Variants in ERBB4 observed in about 807,000 individuals in gnomAD.
The protein encoded by ERBB4 is erb-b2 receptor tyrosine kinase 4, also known as receptor tyrosine-protein kinase erbB-4.
A neutral mutation model predicts 158.0 loss-of-function variants in ERBB4; 42 were observed. That is an observed-to-expected ratio of 0.27 (90% confidence interval 0.21 to 0.34). ERBB4 has a LOEUF of 0.34. ERBB4 is among the 10% of genes least tolerant of loss of function. The pLI is 1.00. For synonymous variants in ERBB4, 583 were observed against 558.7 expected (o/e 1.04, Z -0.61); for missense variants, 1,333 against 1,624.1 (o/e 0.82, Z 3.08).
At chr2:211,584,057 GT>G (rs1295454830) in intron 19 of ERBB4, among the ~76,000 whole-genome samples, 2 of 148,254 alleles carry the variant, frequency 1.3e-5, no homozygotes, top group Non-Finnish European at 3.0e-5. Context: ...TAATTTTAAA[GT>G]AATTGCAAGA....
intron 1 of ERBB4, among the ~76,000 whole-genome samples, chr2:212,356,876 C>T (rs2089482234): frequency 6.6e-6 from 1 of 151,782 alleles, no homozygotes; most frequent in Non-Finnish European, 1.5e-5. Context: ...ACCTTAGAAA[C>T]TTATACATAG....
intron 3 of ERBB4, among the ~76,000 whole-genome samples, chr2:211,905,647 C>CATATATATATATATAT (rs56758130): frequency 1.4e-4 from 10 of 71,450 alleles, no homozygotes; most frequent in South Asian, 4.8e-4. Context: ...TAGGAAGGAT[C>CATATATATATATATAT]ATATATATAT....
chr2:211,908,795 A>G (rs184100061), intron 3 of ERBB4, among the ~76,000 whole-genome samples: 36 of 151,888 alleles, frequency 2.4e-4, no homozygotes, highest in African/African-American at 8.4e-4. Context: ...GAAGACATTT[A>G]TTCCTCTTTT....
chr2:211,565,311 C>T (rs1285484691), intron 19 of ERBB4, among the ~76,000 whole-genome samples: 1 of 152,022 alleles, frequency 6.6e-6, no homozygotes, highest in Non-Finnish European at 1.5e-5. Context: ...AGAGTATGCC[C>T]TTCTGAAAGG....
chr2:212,162,269 C>A (rs2081222882), intron 1 of ERBB4, among the ~76,000 whole-genome samples: 1 of 151,702 alleles, frequency 6.6e-6, no homozygotes, highest in Non-Finnish European at 1.5e-5. Context: ...ATACATGCAC[C>A]AACATAGATA....
In ERBB4 at chr2:212,375,546, G is replaced by A. The variant is rs574623875; in HGVS notation, c.82+162903C>T. 3.3e-5 allele frequency among the ~76,000 whole-genome samples: 5 copies of A among 152,200 alleles called. No individual in the cohort carries two copies. The South Asian group carries it at 1.0e-3, about 32-fold the overall frequency. Reference sequence around the variant, plus strand: ...GCTGGGCAACTACATATCTGAGAGTGTAAATGTGGATTATTACCTGATTCT... The same window carrying A: ...GCTGGGCAACTACATATCTGAGAGTATAAATGTGGATTATTACCTGATTCT... On this transcript the variant is annotated intron_variant, in intron 1 of 27. Transcript: ENST00000342788.
intron 20 of ERBB4, among the ~76,000 whole-genome samples, chr2:211,506,596 C>G (rs1455538883): frequency 6.6e-6 from 1 of 151,764 alleles, no homozygotes; most frequent in African/African-American, 2.4e-5. Context: ...GAACTGAATA[C>G]CAAGAATAAC....
At chr2:211,966,362 C>T (rs1246181098) in intron 2 of ERBB4, among the ~76,000 whole-genome samples, 1 of 152,110 alleles carries the variant, frequency 6.6e-6, no homozygotes, top group Non-Finnish European at 1.5e-5. Flanking sequence ...CTGCCTCAGC[C>T]TCCTGAAGAG....
chr2:212,139,655 T>G (rs1032348413), intron 1 of ERBB4, among the ~76,000 whole-genome samples: 1 of 152,122 alleles, frequency 6.6e-6, no homozygotes, highest in East Asian at 1.9e-4. Context: ...TGTGAATTTC[T>G]GAGAGTCTAA....
intron 11 of ERBB4, among the ~76,000 whole-genome samples, chr2:211,703,435 G>A (rs1236823916): frequency 6.6e-6 from 1 of 152,022 alleles, no homozygotes; most frequent in African/African-American, 2.4e-5. Context: ...GAAAATCAAT[G>A]ATGATATTAA....
chr2:211,443,969 C>T (rs983122197), intron 20 of ERBB4, among the ~76,000 whole-genome samples: 9 of 151,920 alleles, frequency 5.9e-5, no homozygotes, highest in Non-Finnish European at 7.4e-5. Flanking sequence ...AAATTCCCTC[C>T]GATTTTAAGT....
chr2:212,476,166 C>CACACAA, intron 1 of ERBB4, among the ~76,000 whole-genome samples: 1 of 152,038 alleles, frequency 6.6e-6, no homozygotes, highest in Middle Eastern at 3.4e-3. Context: ...CACACACACA[C>CACACAA]ACACACACAC....
intron 1 of ERBB4, among the ~76,000 whole-genome samples, chr2:212,486,886 C>CTATAT (rs112130225): frequency 0.21 from 32,302 of 151,830 alleles, 3,759 homozygotes; most frequent in African/African-American, 0.31. Flanking sequence ...TATTTGAAAG[C>CTATAT]TATAATACAT....
Position 212,341,058 on chromosome 2 carries a change from T to C in ERBB4, c.82+197391A>G, listed in dbSNP as rs114579550. 3.1e-3 allele frequency among the ~76,000 whole-genome samples: 466 copies of C among 152,180 alleles called. 1 individual carries two copies. Among genetic ancestry groups the C allele is most frequent in the African/African-American group, 0.011 (454 of 41,542 alleles). ...TCCATGTGTGTTATTTAATAAAATA[T>C]TTAATCTTATTGGAAATCCTTTTAT... On this transcript the variant is annotated intron_variant, in intron 1 of 27. Coordinates refer to ENST00000342788, the MANE Select transcript of ERBB4 (RefSeq NM_005235.3).
intron 25 of ERBB4, among the ~76,000 whole-genome samples, chr2:211,396,604 T>A (rs2062924856): frequency 6.6e-6 from 1 of 152,190 alleles, no homozygotes. Context: ...ACGGTTTGTG[T>A]ATTGGAGGAT....
chr2:211,734,947 A>G (rs2074556601), intron 5 of ERBB4, among the ~76,000 whole-genome samples: 1 of 146,042 alleles, frequency 6.8e-6, no homozygotes, highest in East Asian at 2.1e-4. Context: ...ATTGTTCTCT[A>G]TGTCCTGAAA....
At chr2:211,636,547 T>C (rs2070369241) in intron 16 of ERBB4, among the ~76,000 whole-genome samples, 1 of 151,958 alleles carries the variant, frequency 6.6e-6, no homozygotes, top group Admixed American at 6.6e-5. Flanking sequence ...GAATTATTCA[T>C]CCCATTTTGG....
intron 2 of ERBB4, among the ~76,000 whole-genome samples, chr2:212,015,040 AAATATATATATATATATATATATATATAT>A (rs2076481463): frequency 1.6e-4 from 2 of 12,232 alleles, no homozygotes; most frequent in African/African-American, 3.2e-4. Context: ...AAAAAAAAAA[AAATATATATATATATATATATATATATAT>A]ATATATATAT....
In ERBB4 at chr2:211,829,444, A is replaced by G. The variant is rs117738891; in HGVS notation, c.422-41285T>C. 2.6e-4 allele frequency among the ~76,000 whole-genome samples: 39 copies of G among 152,170 alleles called. 1 individual carries two copies. The East Asian group carries it at 7.5e-3, about 29-fold the overall frequency. On this transcript the variant is annotated intron_variant, in intron 3 of 27. Coordinates refer to ENST00000342788, the MANE Select transcript of ERBB4 (RefSeq NM_005235.3). ...TATTTTGGTTACCGTTAAGTATCTC[A>G]TTGTGTGGCTTATTCACCCATCAGT...
Sources: gnomAD v4.1 joint callset for allele counts (sites outside exome capture counted in the v4.1 genomes callset) on GRCh38, gnomAD v4.1.1 for gene constraint, MANE v1.5 for transcripts, NCBI Gene and HGNC (gene_info 2026-07-23, HGNC 2026-07-21) for gene names.